Variants in APP observed in about 807,000 individuals in gnomAD.
APP encodes amyloid beta precursor protein.
APP carries 31 observed loss-of-function variants against 101.4 expected under a neutral mutation model. That is an observed-to-expected ratio of 0.31 (90% CI 0.23 to 0.41). APP has a LOEUF of 0.41. Among genes scored for constraint, APP ranks in the 10% least tolerant of loss-of-function variants. The pLI, the probability that APP is intolerant of heterozygous loss-of-function variation, is 1.00. For missense variants in APP, 839 were observed against 1,003.7 expected (o/e 0.84, Z 2.22); for synonymous variants, 366 against 364.4 (o/e 1.00, Z -0.05).
chr21:26,015,103 TTCTC>T, intron 6 of APP, among the ~76,000 whole-genome samples: 1 of 152,224 alleles, frequency 6.6e-6, no homozygotes, highest in East Asian at 1.9e-4. Context: ...TAACATAATG[TTCTC>T]TCTAAATATC....
At chr21:26,076,010 C>A (rs2061491964) in intron 3 of APP, among the ~76,000 whole-genome samples, 1 of 152,176 alleles carries the variant, frequency 6.6e-6, no homozygotes, top group African/African-American at 2.4e-5. Context: ...TCTCCTGCCT[C>A]AGCCTCCTGA....
chr21:25,997,636 T>C (rs998115724), intron 7 of APP, among the ~76,000 whole-genome samples: 2 of 152,220 alleles, frequency 1.3e-5, no homozygotes, highest in Non-Finnish European at 2.9e-5. Flanking sequence ...TCTGATAGTA[T>C]ATCCGAGTAA....
At chr21:26,090,155 G>C in intron 2 of APP, 83 bp from the exon 3 acceptor site, 1 of 1,582,056 alleles carries the variant, frequency 6.3e-7, no homozygotes, top group Non-Finnish European at 8.6e-7. Flanking sequence ...TCCACTGTAA[G>C]GTACAGGTGG....
intron 16 of APP, among the ~76,000 whole-genome samples, chr21:25,896,619 C>T (rs2038068727): frequency 6.6e-6 from 1 of 152,146 alleles, no homozygotes. Context: ...ATCTCCATTT[C>T]TAAGCTTTTG....
intron 3 of APP, among the ~76,000 whole-genome samples, chr21:26,071,703 G>C (rs774014115): frequency 1.6e-4 from 25 of 152,218 alleles, no homozygotes; most frequent in Non-Finnish European, 3.5e-4. Context: ...TGCTGGAAAA[G>C]ATTCTGATTT....
At chr21:25,889,245 G>C (rs892901885) in intron 17 of APP, among the ~76,000 whole-genome samples, 2 of 152,210 alleles carry the variant, frequency 1.3e-5, no homozygotes, top group African/African-American at 4.8e-5. Flanking sequence ...ACTATGACTG[G>C]TGTCCTTGTA....
chr21:25,991,737 A>G (rs1035286625), intron 8 of APP, among the ~76,000 whole-genome samples: 2 of 152,132 alleles, frequency 1.3e-5, no homozygotes, highest in Non-Finnish European at 2.9e-5. Context: ...TTGTTTACTT[A>G]TTGTCTATTG....
At position 25,911,743 on chromosome 21, in the gene APP, T is replaced by A; in HGVS notation, c.1907A>T (p.Glu636Val). The change falls in exon 14 of 18, where the codon GAA (glutamate) becomes GTA (valine). Residue 636 changes from glutamate to valine, a missense_variant and splice_region_variant. By Grantham distance (121) the Glu-to-Val change is moderately radical. Transcript: ENST00000346798. ...TTGCTGGCTCAGGGGACTCTTACCT[T>A]CGTTTTCTGTGTTGGCTGGCACAGA... The part of the protein sequence containing the change: ...ADSVPANTEN[E>V]VEPVDARPAA... 6.2e-7 allele frequency: 1 copy of A among 1,614,072 alleles called. No individual in the cohort carries two copies. The highest frequency in any genetic ancestry group is 8.5e-7 in the Non-Finnish European group (1 of 1,180,012).
In APP at chr21:25,900,146, G is replaced by T. The variant is rs114003182; in HGVS notation, c.1964-2473C>A. ...GCTAAAACTCTCTTAATTCTCACTG[G>T]CTGTATATTTTAATCTTTCTATAGC... On this transcript the variant is annotated intron_variant, in intron 15 of 17. Coordinates refer to ENST00000346798, the MANE Select transcript of APP (RefSeq NM_000484.4). Among the ~76,000 whole-genome samples, 1,002 of 152,020 alleles carry T rather than the reference G, an allele frequency of 6.6e-3. 11 individuals carry two copies. Among genetic ancestry groups the T allele is most frequent in the African/African-American group, 0.023 (973 of 41,488 alleles).
At chr21:26,140,161 T>C (rs758076300) in intron 1 of APP, 2 of 1,535,310 alleles carry the variant, frequency 1.3e-6, no homozygotes, top group Non-Finnish European at 1.7e-6. Flanking sequence ...ACATAGTTGA[T>C]AAACAGAACC....
chr21:26,133,040 C>T (rs147524264), intron 1 of APP, among the ~76,000 whole-genome samples: 1 of 152,004 alleles, frequency 6.6e-6, no homozygotes, highest in Non-Finnish European at 1.5e-5. Context: ...AGTTGGAGAC[C>T]AGCCTGGGCA....
intron 1 of APP, among the ~76,000 whole-genome samples, chr21:26,141,074 G>T (rs1046772028): frequency 6.6e-6 from 1 of 152,152 alleles, no homozygotes; most frequent in Non-Finnish European, 1.5e-5. Flanking sequence ...GTCAGTGTGA[G>T]AATTAAATAA....
chr21:25,931,263 G>C (rs987106401), intron 13 of APP, among the ~76,000 whole-genome samples: 4 of 152,200 alleles, frequency 2.6e-5, no homozygotes, highest in Admixed American at 2.6e-4. Context: ...CAGGGAAAGA[G>C]ATCATTGTCC....
chr21:26,048,917 G>A (rs960205281), intron 5 of APP, among the ~76,000 whole-genome samples: 9 of 152,160 alleles, frequency 5.9e-5, no homozygotes, highest in East Asian at 5.8e-4. Context: ...GGGGCAGAAC[G>A]GTGGGAATGA....
chr21:25,882,195 A>C (rs1399886843), intron 17 of APP, among the ~76,000 whole-genome samples: 1 of 151,872 alleles, frequency 6.6e-6, no homozygotes, highest in Non-Finnish European at 1.5e-5. Flanking sequence ...GATTCAGCAA[A>C]GTATACTGTA....
intron 1 of APP, among the ~76,000 whole-genome samples, chr21:26,119,068 C>T (rs1379358716): frequency 6.6e-6 from 1 of 152,002 alleles, no homozygotes. Context: ...TCAGAAAAAC[C>T]AAGATAAGTC....
At chr21:25,882,544 CCT>C (rs894637522) in intron 17 of APP, among the ~76,000 whole-genome samples, 40 of 151,792 alleles carry the variant, frequency 2.6e-4, no homozygotes, top group African/African-American at 8.5e-4. Context: ...TTTTTCTCCC[CCT>C]GTCACTGTTA....
intron 1 of APP, among the ~76,000 whole-genome samples, chr21:26,170,098 A>ACTCCTC (rs958497223): frequency 1.4e-5 from 2 of 147,260 alleles, no homozygotes; most frequent in Non-Finnish European, 3.0e-5. Flanking sequence ...GGCTGTCCCG[A>ACTCCTC]CTCCTCCTCC....
chr21:25,918,407 T>C lies in APP; in HGVS notation c.1688-6445A>G, dbSNP rs1392539492. Among the ~76,000 whole-genome samples, 6 of 152,208 alleles carry C rather than the reference T, an allele frequency of 3.9e-5. No individual in the cohort carries two copies. The East Asian group carries it at 1.2e-3, about 30-fold the overall frequency. ...GATGGCCGAATAGGAACAGCTCCGGTCTACAGCTCCCAGCGTGAGCGACGC... is the reference window on the plus strand; with the variant it reads ...GATGGCCGAATAGGAACAGCTCCGGCCTACAGCTCCCAGCGTGAGCGACGC... On this transcript the variant is annotated intron_variant, in intron 13 of 17. Transcript: ENST00000346798.
Sources: allele counts gnomAD v4.1 joint callset (sites outside exome capture counted in the v4.1 genomes callset), GRCh38; gene constraint gnomAD v4.1.1; transcripts MANE v1.5; gene names NCBI Gene and HGNC (gene_info 2026-07-23, HGNC 2026-07-21).